Variants in ATP7A observed in about 807,000 individuals in gnomAD.
ATP7A encodes ATPase copper transporting alpha.
ATP7A carries 7 observed loss-of-function variants against 83.5 expected under a neutral mutation model. The observed-to-expected ratio is 0.08, with a 90% confidence interval of 0.05 to 0.16. ATP7A has a LOEUF of 0.16. Among genes scored for constraint, ATP7A ranks in the 10% least tolerant of loss-of-function variants. The probability of loss-of-function intolerance (pLI) is 1.00; values close to 1 mark genes in which losing one functional copy is unlikely to be tolerated. For synonymous variants in ATP7A, 354 were observed against 395.2 expected (o/e 0.90, Z 1.24); for missense variants, 940 against 1,120.8 (o/e 0.84, Z 2.30).
At chrX:77,913,010 CAA>C (rs1446640877) in intron 1 of ATP7A, among the ~76,000 whole-genome samples, 7 of 111,834 alleles carry the variant, frequency 6.3e-5, no homozygotes, top group Non-Finnish European at 1.3e-4. Flanking sequence ...GCTTACAAAA[CAA>C]GAGAGAGAGA....
intron 1 of ATP7A, chrX:77,964,869 A>G (rs1557228500): frequency 8.9e-6 from 1 of 112,163 alleles, no homozygotes; most frequent in Non-Finnish European, 1.9e-5. Flanking sequence ...ATAGTGCCTC[A>G]ATAAACATAC....
intron 14 of ATP7A, 33 bp downstream of exon 14, chrX:78,021,112 C>A: frequency 8.5e-7 from 1 of 1,171,463 alleles, no homozygotes; most frequent in Non-Finnish European, 1.2e-6. Flanking sequence ...TTACTATATG[C>A]AGAACAATTT....
rs781808445 is a variant in ATP7A at position 78,002,799 on chromosome X, TACACACAC to T, written c.1544-236_1544-229del. Among the ~76,000 whole-genome samples the T allele has an allele frequency of 8.5e-3, 740 of 87,102 alleles. 2 individuals are homozygous for T. The highest frequency in any genetic ancestry group is 0.011 in the Non-Finnish European group (512 of 44,639). The allele number at this position is 87,102 out of a possible 115,157, so 75.6% of individuals were successfully genotyped here. On this transcript the variant is annotated intron_variant, in intron 5 of 22. Coordinates refer to ENST00000341514, the MANE Select transcript of ATP7A (RefSeq NM_000052.7). ...GTACGTCAAGTTTATTATGTTCTTA[TACACACAC>T]ACACACACACACACACACACACACA...
chrX:77,979,270 C>G (rs1305806380), intron 2 of ATP7A, among the ~76,000 whole-genome samples: 1 of 111,575 alleles, frequency 9.0e-6, no homozygotes, highest in East Asian at 2.8e-4. Flanking sequence ...GTGAATTCAC[C>G]TCTTTCTAGA....
chrX:77,940,340 A>C lies in ATP7A; in HGVS notation c.-22+29505A>C, dbSNP rs1400252232. ...ACATCCAGAAAGAGACCCCCAAATAAAAATTTAGTATACTGTATATTTAAT... is the reference window on the plus strand; with the variant it reads ...ACATCCAGAAAGAGACCCCCAAATACAAATTTAGTATACTGTATATTTAAT... On this transcript the variant is annotated intron_variant, in intron 1 of 22. Coordinates refer to ENST00000341514, the MANE Select transcript of ATP7A (RefSeq NM_000052.7). Among the ~76,000 whole-genome samples the C allele has an allele frequency of 2.7e-5, 3 of 111,259 alleles. No individual in the cohort carries two copies. The Admixed American group carries it at 2.9e-4, about 11-fold the overall frequency.
intron 5 of ATP7A, among the ~76,000 whole-genome samples, chrX:77,998,998 ATTT>A (rs782623228): frequency 9.9e-6 from 1 of 100,822 alleles, no homozygotes; most frequent in Non-Finnish European, 2.0e-5. Context: ...AAGGAACATA[ATTT>A]TTTTTTTTTT....
At chrX:77,956,789 C>CTTTCTTTCTTTCTT (rs2077447149) in intron 1 of ATP7A, among the ~76,000 whole-genome samples, 1 of 58,241 alleles carries the variant, frequency 1.7e-5, no homozygotes, top group Non-Finnish European at 3.4e-5. Context: ...CTTTCTTTCT[C>CTTTCTTTCTTTCTT]TTTCTTTCTT....
chrX:78,004,071 T>A (rs1354620663), intron 6 of ATP7A, among the ~76,000 whole-genome samples: 5 of 112,196 alleles, frequency 4.5e-5, no homozygotes, highest in Non-Finnish European at 9.4e-5. Flanking sequence ...TATAGACATA[T>A]TATAGAATAC....
At chrX:77,931,738 C>T (rs1243830257) in intron 1 of ATP7A, among the ~76,000 whole-genome samples, 1 of 105,629 alleles carries the variant, frequency 9.5e-6, no homozygotes, top group African/African-American at 3.5e-5. Context: ...CACCCCTCAC[C>T]TCCCGGACGG....
rs143234784 is a variant in ATP7A at position 78,042,892 on chromosome X, T to C, written c.4005+104T>C. ...CATAACAATTCTGTCTTAAGTTCCA[T>C]GCTATCAGCCATTAAGAGTTTAAGA... is the stretch of plus-strand genomic sequence containing the variant. On this transcript the variant is annotated intron_variant, in intron 20 of 22. Coordinates refer to ENST00000341514, the MANE Select transcript of ATP7A (RefSeq NM_000052.7). 7 of 927,088 alleles carry C rather than the reference T, an allele frequency of 7.6e-6. No individual in the cohort carries two copies. The African/African-American group carries it at 9.6e-5, about 13-fold the overall frequency. The allele number at this position is 927,088 out of a possible 1,213,427, so 76.4% of individuals were successfully genotyped here.
chrX:78,017,570 A>G (rs1401157731), intron 12 of ATP7A, among the ~76,000 whole-genome samples: 1 of 111,213 alleles, frequency 9.0e-6, no homozygotes, highest in Non-Finnish European at 1.9e-5. Context: ...CTTTTTAAAC[A>G]TAAGTTCCAA....
intron 2 of ATP7A, chrX:77,975,812 T>C (rs1162968624): frequency 8.9e-6 from 1 of 111,809 alleles, no homozygotes; most frequent in Admixed American, 9.5e-5. Context: ...CCCTTAAACA[T>C]GTTTATTTTT....
intron 1 of ATP7A, chrX:77,923,446 AT>A (rs1297766374): frequency 9.0e-6 from 1 of 111,542 alleles, no homozygotes; most frequent in African/African-American, 3.3e-5. Context: ...TGTCCATCAG[AT>A]TTACTGTTGT....
intron 2 of ATP7A, among the ~76,000 whole-genome samples, chrX:77,977,487 G>C (rs1349525427): frequency 2.7e-5 from 3 of 112,239 alleles, no homozygotes; most frequent in African/African-American, 9.7e-5. Context: ...AACTATTGTA[G>C]GTGAATATTT....
At chrX:77,921,816 G>C (rs1337069626) in intron 1 of ATP7A, among the ~76,000 whole-genome samples, 1 of 111,315 alleles carries the variant, frequency 9.0e-6, no homozygotes, top group Non-Finnish European at 1.9e-5. Context: ...TGAGGCAGGA[G>C]AATCACTTGA....
rs190256271 is a variant in ATP7A at position 77,927,750 on chromosome X, A to G, written c.-22+16915A>G. Among the ~76,000 whole-genome samples the G allele has an allele frequency of 2.7e-5, 3 of 110,895 alleles. No homozygotes were observed. The East Asian group carries it at 8.4e-4, about 31-fold the overall frequency. ...TGCTGCACCCATTAACTCGTCATTT[A>G]CATTAGGTATATCTCCTAATGCTAT... On this transcript the variant is annotated intron_variant, in intron 1 of 22. Transcript: ENST00000341514.
chrX:77,988,317 A>G lies in ATP7A; in HGVS notation c.196A>G (p.Ile66Val). The G allele has an allele frequency of 8.3e-7, 1 of 1,204,713 alleles. No individual in the cohort carries two copies. Among genetic ancestry groups the G allele is most frequent in the East Asian group, 3.0e-5 (1 of 33,792 alleles). The change falls in exon 3 of 23, where the codon ATT (isoleucine) becomes GTT (valine). Residue 66 changes from isoleucine to valine, a missense_variant. By Grantham distance (29) the Ile-to-Val change is conservative (BLOSUM62 3). This residue lies in a region of ATP7A where 350 missense variants were observed against 432.8 expected (regional missense o/e 0.81). Coordinates refer to ENST00000341514, the MANE Select transcript of ATP7A (RefSeq NM_000052.7). ...GACTCCAAAGACCCTACAGGAAGCTATTGATGACATGGGCTTTGATGCTGT... is the reference window on the plus strand; with the variant it reads ...GACTCCAAAGACCCTACAGGAAGCTGTTGATGACATGGGCTTTGATGCTGT... ...LQTPKTLQEA[I>V]DDMGFDAVIH...
intron 4 of ATP7A, among the ~76,000 whole-genome samples, chrX:77,994,733 A>C (rs2077691288): frequency 9.1e-6 from 1 of 110,355 alleles, no homozygotes; most frequent in Non-Finnish European, 1.9e-5. Context: ...GTAGAGATGG[A>C]GTCTCAGTTT....
In ATP7A at chrX:77,988,751, T is replaced by C. The variant is rs782439028; in HGVS notation, c.610+20T>C. On this transcript the variant is annotated intron_variant, in intron 3 of 22. Transcript: ENST00000341514. Reference sequence around the variant, plus strand: ...TTAAAGGTAATGTGTCTGGTGTTGATTGTTTTGTAAGGCTTAGGTGTCTGT... The same window carrying C: ...TTAAAGGTAATGTGTCTGGTGTTGACTGTTTTGTAAGGCTTAGGTGTCTGT... 1.4e-5 allele frequency: 17 copies of C among 1,208,914 alleles called. No individual in the cohort carries two copies. The highest frequency in any genetic ancestry group is 1.8e-5 in the Non-Finnish European group (16 of 894,658).
Sources: allele counts gnomAD v4.1 joint callset (sites outside exome capture counted in the v4.1 genomes callset), GRCh38; gene constraint gnomAD v4.1.1; regional missense constraint gnomAD v4.1.1; transcripts MANE v1.5; gene names NCBI Gene and HGNC (gene_info 2026-07-23, HGNC 2026-07-21).